The following PDK1 variants were observed in gnomAD, a reference collection of about 807,000 sequenced individuals.
PDK1 encodes the protein [Pyruvate dehydrogenase (acetyl-transferring)] kinase isozyme 1, mitochondrial.
Under a neutral mutation model 54.2 loss-of-function variants are expected in PDK1, and 39 were observed. The ratio of observed to expected loss-of-function variants is 0.72; its 90% CI spans 0.56 to 0.94. The LOEUF is 0.94. Ranked by LOEUF, PDK1 falls within the 40% of genes least tolerant of loss-of-function variation. The pLI is 0.00. For missense variants in PDK1, 552 were observed against 566.0 expected (o/e 0.98, Z 0.25); for synonymous variants, 221 against 207.1 (o/e 1.07, Z -0.58).
chr2:172,688,352 T>TTTTTTTTTTTTTTTTGAGAC, the PDK1 span, among the ~76,000 whole-genome samples: 1 of 152,156 alleles, frequency 6.6e-6, no homozygotes, highest in Non-Finnish European at 1.5e-5. Context: ...GCTCTTTGTG[T>TTTTTTTTTTTTTTTTGAGAC]GGGATCCCAG....
the PDK1 span, among the ~76,000 whole-genome samples, chr2:172,670,534 G>T: frequency 6.6e-6 from 1 of 152,092 alleles, no homozygotes; most frequent in African/African-American, 2.4e-5. Context: ...TTGCCTGAAG[G>T]TTTATAAATT....
At chr2:172,701,329 A>G in the PDK1 span, among the ~76,000 whole-genome samples, 1 of 152,232 alleles carries the variant, frequency 6.6e-6, no homozygotes. Flanking sequence ...AAAAACAACA[A>G]TAAGCTGAGC....
chr2:172,683,481 G>A, the PDK1 span, among the ~76,000 whole-genome samples: 1 of 152,160 alleles, frequency 6.6e-6, no homozygotes, highest in Non-Finnish European at 1.5e-5. Flanking sequence ...CATGGCAGAA[G>A]GTGAAGGGGG....
the PDK1 span, among the ~76,000 whole-genome samples, chr2:172,640,920 C>CCCTT: frequency 6.8e-5 from 10 of 146,616 alleles, no homozygotes; most frequent in African/African-American, 2.0e-4. Context: ...TTCCTTCCCT[C>CCCTT]CCTTCCTTCC....
chr2:172,615,623 C>CAA, the PDK1 span, among the ~76,000 whole-genome samples: 339 of 138,794 alleles, frequency 2.4e-3, 2 homozygotes, highest in African/African-American at 8.3e-3. Flanking sequence ...AACTCTGTCT[C>CAA]AAAAAAAAAA....
chr2:172,716,737 A>G, the PDK1 span, among the ~76,000 whole-genome samples: 3 of 152,212 alleles, frequency 2.0e-5, no homozygotes, highest in African/African-American at 7.2e-5. Flanking sequence ...TACCTGTGAT[A>G]TTGCTAAATG....
In PDK1 at chr2:172,603,862, A is replaced by G. The variant is rs1258446241; in HGVS notation, c.*7893A>G. 1 of 152,164 alleles carries G rather than the reference A, an allele frequency of 6.6e-6. No homozygotes were observed. The highest frequency in any genetic ancestry group is 2.4e-5 in the African/African-American group (1 of 41,424). 9.4% of individuals were successfully genotyped at this position (152,164 alleles called of 1,614,324 possible). A position where few individuals can be genotyped will look rare whatever the true frequency, so the allele number is the denominator to read the frequency against. On this transcript the variant is annotated 3_prime_UTR_variant, in exon 11 of 11. Coordinates refer to ENST00000282077, the MANE Select transcript of PDK1 (RefSeq NM_002610.5). ...ATAGTCATTTCACATAATCTAATAC[A>G]TGAATGTCCTGTATGGGTGACTGCT...
the PDK1 span, among the ~76,000 whole-genome samples, chr2:172,645,946 T>C: frequency 6.6e-6 from 1 of 152,266 alleles, no homozygotes; most frequent in African/African-American, 2.4e-5. Context: ...GACTGGTTGA[T>C]TGAGTCAGGC....
intron 8 of PDK1, among the ~76,000 whole-genome samples, chr2:172,571,823 C>CGTTTTTTTTTTTTTT (rs765005051): frequency 1.0e-4 from 10 of 99,784 alleles, no homozygotes; most frequent in African/African-American, 1.6e-4. Context: ...TCTTTCTTTA[C>CGTTTTTTTTTTTTTT]TTTTTTTTTT....
the PDK1 span, among the ~76,000 whole-genome samples, chr2:172,693,961 C>A: frequency 6.6e-6 from 1 of 152,208 alleles, no homozygotes; most frequent in African/African-American, 2.4e-5. Flanking sequence ...CCCCAGCAAG[C>A]CTCATTATGT....
rs1445012437 is a variant in PDK1, at chr2:172,598,343, T to G, written c.*2374T>G. On this transcript the variant is annotated 3_prime_UTR_variant, in exon 11 of 11. Coordinates refer to ENST00000282077, the MANE Select transcript of PDK1 (RefSeq NM_002610.5). Reference sequence around the variant, plus strand: ...TGAAATTATCTTCCTTTAGCTTATTTTTAAGGTAAAACAGCTTTTTACTCT... The same window carrying G: ...TGAAATTATCTTCCTTTAGCTTATTGTTAAGGTAAAACAGCTTTTTACTCT... The G allele has an allele frequency of 1.3e-5, 2 of 152,200 alleles. No homozygotes were observed. Among genetic ancestry groups the G allele is most frequent in the Non-Finnish European group, 2.9e-5 (2 of 68,028 alleles). 9.4% of individuals were successfully genotyped at this position (152,200 alleles called of 1,614,324 possible).
chr2:172,657,131 T>TGTGACCTCAATTCTCTG, the PDK1 span, among the ~76,000 whole-genome samples: 2 of 152,300 alleles, frequency 1.3e-5, no homozygotes, highest in South Asian at 4.1e-4. Context: ...TGGTTTGCCC[T>TGTGACCTCAATTCTCTG]GTGACCTCAA....
Position 172,573,829 on chromosome 2 carries a change from A to G in PDK1, c.945+3005A>G, listed in dbSNP as rs572109840. Among the ~76,000 whole-genome samples, 14 of 152,058 alleles carry G rather than the reference A, an allele frequency of 9.2e-5. No homozygotes were observed. In the South Asian group the frequency reaches 2.9e-3, roughly 32 times the overall value. ...TTTTAAATAGAGATGGGGTCTTGCTATGTTGCCCAGGCTGGTCTTGAACTC... is the reference window on the plus strand; with the variant it reads ...TTTTAAATAGAGATGGGGTCTTGCTGTGTTGCCCAGGCTGGTCTTGAACTC... On this transcript the variant is annotated intron_variant, in intron 8 of 10. Transcript: ENST00000282077.
chr2:172,573,454 C>T (rs146540984), intron 8 of PDK1, among the ~76,000 whole-genome samples: 19 of 151,366 alleles, frequency 1.3e-4, no homozygotes, highest in Admixed American at 9.2e-4. Flanking sequence ...TGAGTTGTAA[C>T]GGTTCTCTCT....
the PDK1 span, among the ~76,000 whole-genome samples, chr2:172,678,118 C>T: frequency 6.6e-6 from 1 of 151,948 alleles, no homozygotes; most frequent in East Asian, 1.9e-4. Flanking sequence ...TGCAGTGAGC[C>T]AAGATTGCAC....
At chr2:172,698,012 T>C in the PDK1 span, among the ~76,000 whole-genome samples, 4 of 152,214 alleles carry the variant, frequency 2.6e-5, no homozygotes, top group Non-Finnish European at 5.9e-5. Flanking sequence ...TTGTTTATTC[T>C]GAAGTACAAT....
upstream of PDK1, chr2:172,555,997 G>A (rs1310879626): frequency 2.1e-6 from 1 of 474,894 alleles, no homozygotes; most frequent in Non-Finnish European, 3.4e-6. Flanking sequence ...CCCGCCCAGC[G>A]GCGCAGGGGG....
At chr2:172,707,108 C>G in the PDK1 span, among the ~76,000 whole-genome samples, 1 of 152,098 alleles carries the variant, frequency 6.6e-6, no homozygotes, top group African/African-American at 2.4e-5. Flanking sequence ...CCTCTGATAC[C>G]CCACCAGCAG....
the PDK1 span, among the ~76,000 whole-genome samples, chr2:172,646,793 A>G: frequency 7.9e-6 from 1 of 126,814 alleles, no homozygotes; most frequent in South Asian, 2.5e-4. Flanking sequence ...GCTGGAGTGC[A>G]ATGGCACGAT....
Sources: allele counts gnomAD v4.1 joint callset (sites outside exome capture counted in the v4.1 genomes callset), GRCh38; gene constraint gnomAD v4.1.1; transcripts MANE v1.5; gene names NCBI Gene and HGNC (gene_info 2026-07-23, HGNC 2026-07-21).